SLC6A4: variants seen among roughly 807,000 people sequenced by gnomAD.
SLC6A4 encodes the protein sodium-dependent serotonin transporter.
Under a neutral mutation model 73.4 loss-of-function variants are expected in SLC6A4, and 22 were observed. The ratio of observed to expected loss-of-function variants is 0.30; its 90% CI spans 0.21 to 0.43. The LOEUF (loss-of-function observed/expected upper bound fraction) is 0.43. SLC6A4 is among the 20% of genes least tolerant of loss of function. The pLI, the probability that SLC6A4 is intolerant of heterozygous loss-of-function variation, is 1.00. For synonymous variants in SLC6A4, 270 were observed against 315.5 expected, an observed-to-expected ratio of 0.86 and a Z score of 1.53; for missense variants, 593 against 808.5, an observed-to-expected ratio of 0.73 and a Z score of 3.23.
rs201073368 is a variant in SLC6A4, at chr17:30,222,007, T to C, written c.-49A>G. Reference sequence around the variant, plus strand: ...GATGTCCATCTGCCAAGGATCCCAATTGATCTCTGGGTGCTTGGATTTGTG... The same window carrying C: ...GATGTCCATCTGCCAAGGATCCCAACTGATCTCTGGGTGCTTGGATTTGTG... On this transcript the variant is annotated 5_prime_UTR_variant, in exon 3 of 15. Coordinates refer to ENST00000650711, the MANE Select transcript of SLC6A4 (RefSeq NM_001045.6). 36 of 1,612,814 alleles carry C rather than the reference T, an allele frequency of 2.2e-5. No homozygotes were observed. Among genetic ancestry groups the C allele is most frequent in the South Asian group, 2.0e-4 (18 of 90,958 alleles).
At chr17:30,210,456 C>T (rs1412699879) in intron 11 of SLC6A4, 59 bp downstream of exon 11, 10 of 1,563,000 alleles carry the variant, frequency 6.4e-6, no homozygotes, top group Admixed American at 3.6e-5. Context: ...GAACAGCTTC[C>T]TGTAGCGTTC....
chr17:30,218,436 G>A, intron 4 of SLC6A4, 99 bp from the exon 5 acceptor site: 2 of 916,568 alleles, frequency 2.2e-6, no homozygotes, highest in East Asian at 2.6e-5. Flanking sequence ...CAGCCCAGCA[G>A]AGGGGTACAC....
At chr17:30,210,467 T>C in intron 11 of SLC6A4, 48 bp downstream of exon 11, 1 of 1,585,056 alleles carries the variant, frequency 6.3e-7, no homozygotes. Flanking sequence ...TGTAGCGTTC[T>C]GCTGCCCTAG....
chr17:30,215,705 C>G lies in SLC6A4; in HGVS notation c.982G>C (p.Asp328His). Reference protein sequence around the residue: ...QKLLETGVWIDAAAQIFFSLG... With the variant: ...QKLLETGVWIHAAAQIFFSLG... ...GAGAAGAAGATCTGAGCGGCTGCAT[C>G]TATCCACACCTGGAACACAGCAGGG... Residue 328 changes from aspartate (D) to histidine (H), a missense_variant, in exon 8 of 15, where the codon GAT (aspartate) becomes CAT (histidine). Transcript: ENST00000650711. The G allele has an allele frequency of 1.2e-6, 2 of 1,613,900 alleles. No homozygotes were observed. The highest frequency in any genetic ancestry group is 1.7e-6 in the Non-Finnish European group (2 of 1,179,932).
intron 1 of SLC6A4, among the ~76,000 whole-genome samples, chr17:30,229,941 C>A (rs1057122395): frequency 1.5e-4 from 23 of 151,874 alleles, no homozygotes; most frequent in African/African-American, 5.3e-4. Context: ...ATAGCTTGAA[C>A]CCAGGAGGCA....
chr17:30,214,868 C>T (rs1166163526), intron 8 of SLC6A4, among the ~76,000 whole-genome samples: 4 of 151,848 alleles, frequency 2.6e-5, no homozygotes, highest in Non-Finnish European at 4.4e-5. Context: ...CTCCTGACCT[C>T]GTGATCCACC....
At chr17:30,214,962 CCTTCTTT>C (rs1416320939) in intron 8 of SLC6A4, among the ~76,000 whole-genome samples, 7 of 149,994 alleles carry the variant, frequency 4.7e-5, no homozygotes, top group African/African-American at 7.4e-5. Flanking sequence ...TTCTTTCCTT[CCTTCTTT>C]CTTCTTTCTT....
intron 12 of SLC6A4, 119 bp downstream of exon 12, chr17:30,209,024 A>G (rs1906298523): frequency 3.0e-6 from 2 of 670,628 alleles, no homozygotes; most frequent in Admixed American, 4.7e-5. Context: ...CAGACCCATC[A>G]TCGGGAGGTC....
rs1036085330 is a variant in SLC6A4, at chr17:30,222,728, G to A, written c.-124+91C>T. On this transcript the variant is annotated intron_variant, in intron 2 of 14. Transcript: ENST00000650711. ...GTTGGGGCAGATTTGAGCTGCCTCC[G>A]GCTGTGTCCAGTCTATCTGCACATG... 1.2e-5 allele frequency: 14 copies of A among 1,135,998 alleles called. No individual in the cohort carries two copies. In the Admixed American group the frequency reaches 1.4e-4, roughly 11 times the overall value. 70.4% of individuals were successfully genotyped at this position (1,135,998 alleles called of 1,614,324 possible). A position where few individuals can be genotyped will look rare whatever the true frequency, so the allele number is the denominator to read the frequency against.
intron 3 of SLC6A4, among the ~76,000 whole-genome samples, chr17:30,219,854 A>G (rs1481160678): frequency 6.6e-6 from 1 of 152,204 alleles, no homozygotes; most frequent in Non-Finnish European, 1.5e-5. Flanking sequence ...GTCTGTGCAA[A>G]TCAGAAAGGT....
chr17:30,215,559 G>T, intron 8 of SLC6A4, 52 bp downstream of exon 8: 1 of 1,429,584 alleles, frequency 7.0e-7, no homozygotes, highest in Non-Finnish European at 9.9e-7. Context: ...CACACTAGCT[G>T]ACTTTCACTC....
chr17:30,205,375 T>A (rs1359686051), intron 13 of SLC6A4, among the ~76,000 whole-genome samples: 1 of 152,166 alleles, frequency 6.6e-6, no homozygotes, highest in African/African-American at 2.4e-5. Flanking sequence ...CCTCAAGGAA[T>A]TAATCCAATG....
At chr17:30,202,657 G>A (rs1040258648) in intron 14 of SLC6A4, among the ~76,000 whole-genome samples, 3 of 152,088 alleles carry the variant, frequency 2.0e-5, no homozygotes, top group African/African-American at 7.2e-5. Flanking sequence ...TTACTCCAAT[G>A]GCTTGAGCTA....
chr17:30,198,886 A>C (rs1458036309), intron 14 of SLC6A4, among the ~76,000 whole-genome samples: 1 of 152,152 alleles, frequency 6.6e-6, no homozygotes, highest in Non-Finnish European at 1.5e-5. Context: ...TTCTGCGGCC[A>C]CAAAGGGCTT....
chr17:30,209,103 G>T, intron 12 of SLC6A4, 40 bp downstream of exon 12: 1 of 1,391,510 alleles, frequency 7.2e-7, no homozygotes, highest in Non-Finnish European at 1.0e-6. Context: ...GCTGGCTGAT[G>T]GTGTAGAAGG....
At chr17:30,224,370 A>C (rs565902702) in intron 1 of SLC6A4, among the ~76,000 whole-genome samples, 48 of 152,222 alleles carry the variant, frequency 3.2e-4, no homozygotes, top group South Asian at 2.9e-3. Context: ...GGCGTGCTCC[A>C]CCATGCCCGG....
At position 30,217,124 on chromosome 17, in the gene SLC6A4, GC is replaced by G. The variant is rs1906602395; in HGVS notation, c.837+41del. 2.5e-6 allele frequency: 4 copies of G among 1,587,402 alleles called. No homozygotes were observed. The African/African-American group carries it at 4.1e-5, about 16-fold the overall frequency. ...GGGTTTTGAGTTTGAGAGCCTGTGGGCCCCTGGGCAGGCCTGGGTCAGCAGC... is the reference window on the plus strand; with the variant it reads ...GGGTTTTGAGTTTGAGAGCCTGTGGGCCCTGGGCAGGCCTGGGTCAGCAGC... On this transcript the variant is annotated intron_variant, in intron 6 of 14. Coordinates refer to ENST00000650711, the MANE Select transcript of SLC6A4 (RefSeq NM_001045.6).
At chr17:30,217,039 AG>A (rs1906600047) in intron 6 of SLC6A4, 126 bp downstream of exon 6, 1 of 802,722 alleles carries the variant, frequency 1.2e-6, no homozygotes, top group African/African-American at 1.7e-5. Context: ...GAAGAGAGAG[AG>A]GGTGCATCAT....
chr17:30,215,595 G>T lies in SLC6A4; in HGVS notation c.1076+16C>A. Reference sequence around the variant, plus strand: ...ACGCCACTTTCAAGCTTTGCTTGGGGACCCCAGATACTCACTGGTAGCAGT... The same window carrying T: ...ACGCCACTTTCAAGCTTTGCTTGGGTACCCCAGATACTCACTGGTAGCAGT... On this transcript the variant is annotated intron_variant, in intron 8 of 14. Coordinates refer to ENST00000650711, the MANE Select transcript of SLC6A4 (RefSeq NM_001045.6). 1 of 1,599,836 alleles carries T rather than the reference G, an allele frequency of 6.3e-7. No homozygotes were observed. The highest frequency in any genetic ancestry group is 8.6e-7 in the Non-Finnish European group (1 of 1,166,912).
Sources: allele counts gnomAD v4.1 joint callset (sites outside exome capture counted in the v4.1 genomes callset), GRCh38; gene constraint gnomAD v4.1.1; transcripts MANE v1.5; gene names NCBI Gene and HGNC (gene_info 2026-07-23, HGNC 2026-07-21).